Variants in APBA1 observed in about 807,000 individuals in gnomAD.
The protein encoded by APBA1 is amyloid-beta A4 precursor protein-binding family A member 1.
Under a neutral mutation model 86.6 loss-of-function variants are expected in APBA1, and 55 were observed. The ratio of observed to expected loss-of-function variants is 0.64; its 90% CI spans 0.51 to 0.80. The LOEUF is 0.80. APBA1 is among the 30% of genes least tolerant of loss of function. APBA1 has a pLI of 0.00. For synonymous variants in APBA1, 511 were observed against 493.9 expected (o/e 1.03, Z -0.46); for missense variants, 1,090 against 1,183.0 (o/e 0.92, Z 1.15).
rs535893833 is a variant in APBA1 at position 69,474,121 on chromosome 9, G to C, written c.1296+1927C>G. 2.6e-5 allele frequency: 4 copies of C among 152,232 alleles called. 1 individual carries two copies. In the East Asian group the frequency reaches 7.7e-4, roughly 29 times the overall value. 9.4% of individuals were successfully genotyped at this position (152,232 alleles called of 1,614,324 possible). On this transcript the variant is annotated intron_variant, in intron 3 of 12. Coordinates refer to ENST00000265381, the MANE Select transcript of APBA1 (RefSeq NM_001163.4). The stretch of plus-strand genomic sequence containing the variant: ...TAAAGTTGCATTTAAAAAGCTAAAG[G>C]CTAAGATCTTTGGGGTTTGGGTTTG...
chr9:69,525,239 G>T (rs1326817045), intron 1 of APBA1, among the ~76,000 whole-genome samples: 2 of 152,080 alleles, frequency 1.3e-5, no homozygotes, highest in African/African-American at 4.8e-5. Flanking sequence ...GAGCAATCAG[G>T]CAAGAGAAAC....
At chr9:69,443,165 G>C (rs985166982) in intron 10 of APBA1, among the ~76,000 whole-genome samples, 3 of 152,188 alleles carry the variant, frequency 2.0e-5, no homozygotes, top group Non-Finnish European at 4.4e-5. Context: ...CCACTTTTTA[G>C]AAGTGCAGAT....
At chr9:69,618,502 G>A (rs1035767654) in intron 1 of APBA1, among the ~76,000 whole-genome samples, 1 of 152,198 alleles carries the variant, frequency 6.6e-6, no homozygotes, top group Non-Finnish European at 1.5e-5. Flanking sequence ...CTATGAGGAA[G>A]GATATGATAC....
chr9:69,570,486 A>G (rs1048177369), intron 1 of APBA1, among the ~76,000 whole-genome samples: 2 of 152,240 alleles, frequency 1.3e-5, no homozygotes, highest in African/African-American at 4.8e-5. Flanking sequence ...TGACTCTCCC[A>G]AAATAGTTTG....
At chr9:69,624,564 C>A (rs939306800) in intron 1 of APBA1, among the ~76,000 whole-genome samples, 15 of 152,150 alleles carry the variant, frequency 9.9e-5, no homozygotes, top group Non-Finnish European at 1.9e-4. Context: ...AGGTGCCCAG[C>A]AGGTCAAAAT....
At chr9:69,460,505 T>C (rs562511665) in intron 5 of APBA1, among the ~76,000 whole-genome samples, 15 of 152,138 alleles carry the variant, frequency 9.9e-5, no homozygotes, top group Non-Finnish European at 2.1e-4. Context: ...TTACTTCTCC[T>C]GAAATGATAT....
chr9:69,497,084 T>C (rs1042098954), intron 2 of APBA1, among the ~76,000 whole-genome samples: 4 of 152,084 alleles, frequency 2.6e-5, no homozygotes, highest in Non-Finnish European at 4.4e-5. Context: ...CAAAAGAACT[T>C]AGAATTCTTT....
At chr9:69,593,364 C>T (rs529254460) in intron 1 of APBA1, among the ~76,000 whole-genome samples, 36 of 152,246 alleles carry the variant, frequency 2.4e-4, no homozygotes, top group Middle Eastern at 3.4e-3. Context: ...ATATATGATA[C>T]GGGGTTGCTT....
At chr9:69,503,164 C>T (rs1300132582) in intron 2 of APBA1, among the ~76,000 whole-genome samples, 1 of 152,038 alleles carries the variant, frequency 6.6e-6, no homozygotes, top group African/African-American at 2.4e-5. Flanking sequence ...TCTGTGTTTC[C>T]AGGAAAGCAG....
chr9:69,535,007 C>G (rs1219212287), intron 1 of APBA1, among the ~76,000 whole-genome samples: 1 of 152,128 alleles, frequency 6.6e-6, no homozygotes, highest in Non-Finnish European at 1.5e-5. Flanking sequence ...GGTCTTTCTA[C>G]TTTATCTTTC....
At chr9:69,599,318 C>T (rs555460909) in intron 1 of APBA1, among the ~76,000 whole-genome samples, 1 of 152,162 alleles carries the variant, frequency 6.6e-6, no homozygotes, top group Non-Finnish European at 1.5e-5. Context: ...TTAGTCATTG[C>T]CTTTAACAAC....
intron 2 of APBA1, among the ~76,000 whole-genome samples, chr9:69,494,109 T>C (rs1034149536): frequency 6.6e-5 from 10 of 152,120 alleles, no homozygotes; most frequent in Admixed American, 3.3e-4. Context: ...TGTGGTGAAG[T>C]AGAAAGTTAT....
chr9:69,653,966 G>A (rs1245031954), intron 1 of APBA1, among the ~76,000 whole-genome samples: 1 of 152,004 alleles, frequency 6.6e-6, no homozygotes, highest in East Asian at 1.9e-4. Flanking sequence ...CATCTCCCGT[G>A]TAGCCGGGCG....
intron 1 of APBA1, among the ~76,000 whole-genome samples, chr9:69,658,280 C>CTT (rs138931756): frequency 0.098 from 6,065 of 62,188 alleles, 495 homozygotes; most frequent in Admixed American, 0.14. Context: ...TTCTTTCTTT[C>CTT]TTTCTCTCTC....
chr9:69,432,499 G>A (rs2991694), intron 12 of APBA1, 37 bp downstream of exon 12: 277,891 of 1,454,720 alleles, frequency 0.19, 27,520 homozygotes, highest in South Asian at 0.29. Context: ...ACCAGACGCG[G>A]CCCTCAGCAC....
intron 1 of APBA1, among the ~76,000 whole-genome samples, chr9:69,658,304 C>CTTTCTT (rs1554709959): frequency 0.013 from 1,075 of 79,994 alleles, 75 homozygotes; most frequent in Non-Finnish European, 0.016. Context: ...TTCTCTCTCT[C>CTTTCTT]TCTTTCTTTC....
chr9:69,627,998 T>A (rs536836836), intron 1 of APBA1, among the ~76,000 whole-genome samples: 1 of 152,188 alleles, frequency 6.6e-6, no homozygotes, highest in East Asian at 1.9e-4. Context: ...GTGTGACCTG[T>A]GACTTGTTTC....
chr9:69,661,902 G>C (rs111994666), intron 1 of APBA1, among the ~76,000 whole-genome samples: 9 of 152,052 alleles, frequency 5.9e-5, no homozygotes, highest in African/African-American at 2.2e-4. Context: ...AGATGCAGCT[G>C]CCTGGTCTTA....
At chr9:69,591,126 C>T (rs1822120614) in intron 1 of APBA1, among the ~76,000 whole-genome samples, 1 of 152,178 alleles carries the variant, frequency 6.6e-6, no homozygotes, top group South Asian at 2.1e-4. Flanking sequence ...GAGGCACTGC[C>T]TATGAGGCCC....
Sources: gnomAD v4.1 joint callset for allele counts (sites outside exome capture counted in the v4.1 genomes callset) on GRCh38, gnomAD v4.1.1 for gene constraint, MANE v1.5 for transcripts, NCBI Gene and HGNC (gene_info 2026-07-23, HGNC 2026-07-21) for gene names.